MED18: variants seen among roughly 807,000 people sequenced by gnomAD.
MED18 encodes the protein mediator of RNA polymerase II transcription subunit 18.
A neutral mutation model predicts 13.9 loss-of-function variants in MED18; 10 were observed. The observed-to-expected ratio is 0.72, with a 90% confidence interval of 0.44 to 1.22. The LOEUF (loss-of-function observed/expected upper bound fraction) is 1.22, where lower values mean the gene tolerates loss of function less well. Among genes scored for constraint, MED18 ranks in the 50% most tolerant of loss-of-function variants. MED18 has a pLI of 0.00. For missense variants in MED18, 216 were observed against 279.0 expected, an observed-to-expected ratio of 0.77 and a Z score of 1.61; for synonymous variants, 88 against 93.2, an observed-to-expected ratio of 0.94 and a Z score of 0.32.
At chr1:28,329,861 G>A (rs1452437729) in intron 1 of MED18, among the ~76,000 whole-genome samples, 5 of 152,168 alleles carry the variant, frequency 3.3e-5, no homozygotes, top group Non-Finnish European at 7.3e-5. Context: ...CCCTCTCCAA[G>A]TCTCAATATC....
At chr1:28,331,918 T>C (rs576562265) in intron 2 of MED18, among the ~76,000 whole-genome samples, 1 of 152,238 alleles carries the variant, frequency 6.6e-6, no homozygotes, top group Non-Finnish European at 1.5e-5. Context: ...AATTTTTGTA[T>C]TTTTAATAGA....
In MED18 at chr1:28,334,658, C is replaced by CG; in HGVS notation, c.316dup (p.Val106GlyfsTer7). On this transcript the variant is annotated frameshift_variant, in exon 3 of 3. Coordinates refer to ENST00000373842, the MANE Select transcript of MED18 (RefSeq NM_017638.3). LOFTEE classifies it high-confidence loss of function. ...ACCGCCATGCCCTGGTGCGAAACTG[C>CG]GTGGACATTGCCACATCTGAGAACC... is the stretch of plus-strand genomic sequence containing the variant. 2.5e-6 allele frequency: 4 copies of CG among 1,614,192 alleles called. No homozygotes were observed. The highest frequency in any genetic ancestry group is 3.4e-6 in the Non-Finnish European group (4 of 1,180,030).
In MED18 at chr1:28,335,223, G is replaced by T. The variant is rs761015756; in HGVS notation, c.*253G>T. 2.5e-6 allele frequency: 1 copy of T among 402,288 alleles called. No individual in the cohort carries two copies. The highest frequency in any genetic ancestry group is 4.5e-6 in the Non-Finnish European group (1 of 220,222). The allele number at this position is 402,288 out of a possible 1,614,324, so 24.9% of individuals were successfully genotyped here. A position where few individuals can be genotyped will look rare whatever the true frequency, so the allele number is the denominator to read the frequency against. On this transcript the variant is annotated 3_prime_UTR_variant, in exon 3 of 3. Transcript: ENST00000373842. ...TGCTCAGCTAATTTTTGTATTTTTA[G>T]TAGAAATGGGGATTCACCATGTTGG...
chr1:28,332,064 G>A (rs1360677187), intron 2 of MED18, among the ~76,000 whole-genome samples: 1 of 152,172 alleles, frequency 6.6e-6, no homozygotes, highest in Admixed American at 6.6e-5. Flanking sequence ...ACAAGTATCT[G>A]AATATGTTCC....
At chr1:28,334,255 ACCTTGGTAGTGTAATTT>A (rs1557754475) in intron 2 of MED18, 145 bp from the exon 3 acceptor site, 1 of 803,792 alleles carries the variant, frequency 1.2e-6, no homozygotes, top group Non-Finnish European at 2.0e-6. Context: ...GTTATACAAT[ACCTTGGTAGTGTAATTT>A]CTGTAAAATC....
At chr1:28,333,237 G>A (rs1377494983) in intron 2 of MED18, among the ~76,000 whole-genome samples, 1 of 152,164 alleles carries the variant, frequency 6.6e-6, no homozygotes, top group Non-Finnish European at 1.5e-5. Flanking sequence ...GGAGTCCTCA[G>A]GGCCTAAATG....
chr1:28,334,564 G>C lies in MED18; in HGVS notation c.221G>C (p.Arg74Pro). 1 of 1,614,168 alleles carries C rather than the reference G, an allele frequency of 6.2e-7. No individual in the cohort carries two copies. Among genetic ancestry groups the C allele is most frequent in the South Asian group, 1.1e-5 (1 of 91,080 alleles). Reference sequence around the variant, plus strand: ...AGCCCATTTGTTCTCAGGGCCCGACGCTCTATGGACAGGGCAGGGGCACCC... The same window carrying C: ...AGCCCATTTGTTCTCAGGGCCCGACCCTCTATGGACAGGGCAGGGGCACCC... ...QASPFVLRAR[R>P]SMDRAGAPWH... Residue 74 changes from arginine (R) to proline (P), a missense_variant, in exon 3 of 3, where the codon CGC (arginine) becomes CCC (proline). Coordinates refer to ENST00000373842, the MANE Select transcript of MED18 (RefSeq NM_017638.3).
At chr1:28,331,692 A>G (rs1649741305) in intron 2 of MED18, among the ~76,000 whole-genome samples, 1 of 151,818 alleles carries the variant, frequency 6.6e-6, no homozygotes, top group African/African-American at 2.4e-5. Context: ...AACACTAATT[A>G]CCACTCCCCT....
At position 28,334,575 on chromosome 1, in the gene MED18, A is replaced by G. The variant is rs1316305457; in HGVS notation, c.232A>G (p.Arg78Gly). 6.2e-7 allele frequency: 1 copy of G among 1,614,204 alleles called. No homozygotes were observed. The change falls in exon 3 of 3, where the codon AGG (arginine) becomes GGG (glycine). Residue 78 changes from arginine (R) to glycine (G), a missense_variant. Coordinates refer to ENST00000373842, the MANE Select transcript of MED18 (RefSeq NM_017638.3). ...TCTCAGGGCCCGACGCTCTATGGAC[A>G]GGGCAGGGGCACCCTGGCATCTGCG... ...FVLRARRSMD[R>G]AGAPWHLRYL... is the part of the protein sequence containing the mutation.
At position 28,334,397 on chromosome 1, in the gene MED18, G is replaced by A. The variant is rs1262920654; in HGVS notation, c.74-20G>A. On this transcript the variant is annotated intron_variant, in intron 2 of 2. Transcript: ENST00000373842. Reference sequence around the variant, plus strand: ...CCTAAAATGAAAGACAGGACTCAGTGGTGCTTTTTCCGTTTTCAGGAAGTG... The same window carrying A: ...CCTAAAATGAAAGACAGGACTCAGTAGTGCTTTTTCCGTTTTCAGGAAGTG... 1 of 1,603,338 alleles carries A rather than the reference G, an allele frequency of 6.2e-7. No individual in the cohort carries two copies. The highest frequency in any genetic ancestry group is 8.5e-7 in the Non-Finnish European group (1 of 1,173,204).
chr1:28,335,725 G>C lies in MED18; in HGVS notation c.*755G>C, dbSNP rs191302571. ...TAATCCCAGCTACTTGGGAGGCTGAGGCTGGAGAATCGCTTGAACCCAGGA... is the reference window on the plus strand; with the variant it reads ...TAATCCCAGCTACTTGGGAGGCTGACGCTGGAGAATCGCTTGAACCCAGGA... On this transcript the variant is annotated 3_prime_UTR_variant, in exon 3 of 3. Transcript: ENST00000373842. 3 of 152,230 alleles carry C rather than the reference G, an allele frequency of 2.0e-5. No homozygotes were observed. In the East Asian group the frequency reaches 5.8e-4, roughly 29 times the overall value. 9.4% of individuals were successfully genotyped at this position (152,230 alleles called of 1,614,324 possible). A position where few individuals can be genotyped will look rare whatever the true frequency, so the allele number is the denominator to read the frequency against.
intron 1 of MED18, among the ~76,000 whole-genome samples, chr1:28,329,789 G>C (rs1649647344): frequency 6.6e-6 from 1 of 152,182 alleles, no homozygotes; most frequent in African/African-American, 2.4e-5. Context: ...CAGAGAGATA[G>C]AACGCCTAGA....
Position 28,330,748 on chromosome 1 carries a change from G to A in MED18, c.73+13G>A, listed in dbSNP as rs371901644. 1.3e-6 allele frequency: 2 copies of A among 1,582,350 alleles called. No homozygotes were observed. Among genetic ancestry groups the A allele is most frequent in the Non-Finnish European group, 1.7e-6 (2 of 1,166,464 alleles). On this transcript the variant is annotated intron_variant, in intron 2 of 2. Coordinates refer to ENST00000373842, the MANE Select transcript of MED18 (RefSeq NM_017638.3). ...TACCTGTTGCAGGGTAAGTGAACTA[G>A]GGAACTTGGATTACCTGTTTTCCTC... is the stretch of plus-strand genomic sequence containing the variant.
chr1:28,330,306 T>G, intron 1 of MED18: 1 of 164,698 alleles, frequency 6.1e-6, no homozygotes, highest in South Asian at 1.2e-4. Flanking sequence ...ATCACTGGCC[T>G]CATTTTATAA....
In MED18 at chr1:28,334,772, T is replaced by G. The variant is rs377017315; in HGVS notation, c.429T>G (p.Ile143Met). 2 of 1,614,112 alleles carry G rather than the reference T, an allele frequency of 1.2e-6. No individual in the cohort carries two copies. Among genetic ancestry groups the G allele is most frequent in the South Asian group, 1.1e-5 (1 of 91,072 alleles). Residue 143 changes from isoleucine (I) to methionine (M), a missense_variant, in exon 3 of 3, where the codon ATT (isoleucine) becomes ATG (methionine). Coordinates refer to ENST00000373842, the MANE Select transcript of MED18 (RefSeq NM_017638.3). ...GHLFRKGIMK[I>M]MVYKIFRILV... Reference sequence around the variant, plus strand: ...TGTTCCGTAAGGGCATCATGAAGATTATGGTGTACAAGATTTTCCGCATCC... The same window carrying G: ...TGTTCCGTAAGGGCATCATGAAGATGATGGTGTACAAGATTTTCCGCATCC...
Position 28,335,693 on chromosome 1 carries a change from G to A in MED18, c.*723G>A, listed in dbSNP as rs888012896. 3.9e-5 allele frequency: 6 copies of A among 152,034 alleles called. No homozygotes were observed. The highest frequency in any genetic ancestry group is 1.3e-4 in the Admixed American group (2 of 15,224). The allele number at this position is 152,034 out of a possible 1,614,324, so 9.4% of individuals were successfully genotyped here. ...AAAATTTAGCCGGGCATGGTAGCAGGCGCTTGTAATCCCAGCTACTTGGGA... is the reference window on the plus strand; with the variant it reads ...AAAATTTAGCCGGGCATGGTAGCAGACGCTTGTAATCCCAGCTACTTGGGA... On this transcript the variant is annotated 3_prime_UTR_variant, in exon 3 of 3. Transcript: ENST00000373842.
At chr1:28,331,568 G>A (rs572688933) in intron 2 of MED18, among the ~76,000 whole-genome samples, 1 of 152,076 alleles carries the variant, frequency 6.6e-6, no homozygotes, top group Non-Finnish European at 1.5e-5. Context: ...TTGCCCTCAA[G>A]TGATATACTT....
chr1:28,332,018 C>T (rs941363222), intron 2 of MED18, among the ~76,000 whole-genome samples: 1 of 152,218 alleles, frequency 6.6e-6, no homozygotes, highest in African/African-American at 2.4e-5. Flanking sequence ...GCTGGGATTA[C>T]AGGCGTGAGC....
At position 28,335,188 on chromosome 1, in the gene MED18, C is replaced by G; in HGVS notation, c.*218C>G. The stretch of plus-strand genomic sequence containing the variant: ...TCCTGAGTAGCTGGGATTACAGGCA[C>G]ATGCCACCATGCTCAGCTAATTTTT... On this transcript the variant is annotated 3_prime_UTR_variant, in exon 3 of 3. Coordinates refer to ENST00000373842, the MANE Select transcript of MED18 (RefSeq NM_017638.3). The G allele has an allele frequency of 2.0e-6, 1 of 505,002 alleles. No individual in the cohort carries two copies. The highest frequency in any genetic ancestry group is 3.6e-6 in the Non-Finnish European group (1 of 281,610). The allele number at this position is 505,002 out of a possible 1,614,324, so 31.3% of individuals were successfully genotyped here.
Sources: gnomAD v4.1 joint callset for allele counts (sites outside exome capture counted in the v4.1 genomes callset) on GRCh38, gnomAD v4.1.1 for gene constraint, MANE v1.5 for transcripts, NCBI Gene and HGNC (gene_info 2026-07-23, HGNC 2026-07-21) for gene names.